DOCK1: variants seen among roughly 807,000 people sequenced by gnomAD.
DOCK1 encodes dedicator of cytokinesis protein 1.
DOCK1 carries 138 observed loss-of-function variants against 262.7 expected under a neutral mutation model. The observed-to-expected ratio is 0.53, with a 90% CI of 0.46 to 0.61. The LOEUF is 0.61. DOCK1 is among the 20% of genes least tolerant of loss of function. The pLI, the probability that DOCK1 is intolerant of heterozygous loss-of-function variation, is 0.00. For missense variants in DOCK1, 1,908 were observed against 2,370.7 expected, an observed-to-expected ratio of 0.80 and a Z score of 4.05; for synonymous variants, 866 against 867.4, an observed-to-expected ratio of 1.00 and a Z score of 0.03.
chr10:127,196,784 G>C (rs1052074845), intron 27 of DOCK1, among the ~76,000 whole-genome samples: 1 of 152,030 alleles, frequency 6.6e-6, no homozygotes, highest in Non-Finnish European at 1.5e-5. Context: ...GCCTGCGCGC[G>C]GGGCTCCGCC....
At chr10:127,358,509 G>A (rs1023201975) in intron 32 of DOCK1, among the ~76,000 whole-genome samples, 12 of 152,146 alleles carry the variant, frequency 7.9e-5, no homozygotes, top group East Asian at 1.9e-4. Flanking sequence ...TGCCTGTGCC[G>A]CCTCAATTTA....
intron 29 of DOCK1, among the ~76,000 whole-genome samples, chr10:127,328,561 T>TGGCAGGGACGCCAGGGACAGCAAGGAC (rs1156403911): frequency 6.6e-6 from 1 of 152,092 alleles, no homozygotes; most frequent in Non-Finnish European, 1.5e-5. Flanking sequence ...TTGCCAGGGA[T>TGGCAGGGACGCCAGGGACAGCAAGGAC]GGCAGGGACG....
chr10:126,991,999 C>G (rs1170461718), intron 6 of DOCK1, among the ~76,000 whole-genome samples: 1 of 152,138 alleles, frequency 6.6e-6, no homozygotes. Context: ...ATCAAGGAAC[C>G]TTTCTGTAAA....
intron 27 of DOCK1, among the ~76,000 whole-genome samples, chr10:127,240,872 A>G (rs1296946463): frequency 6.6e-6 from 1 of 152,214 alleles, no homozygotes; most frequent in Non-Finnish European, 1.5e-5. Flanking sequence ...AGAATTTTGC[A>G]AGATTTTTCC....
intron 10 of DOCK1, among the ~76,000 whole-genome samples, chr10:127,001,900 A>G (rs759045800): frequency 1.3e-4 from 20 of 151,960 alleles, no homozygotes; most frequent in Non-Finnish European, 2.1e-4. Flanking sequence ...ACAGAGTCTA[A>G]CTCTGTCACC....
intron 7 of DOCK1, chr10:126,997,679 T>C (rs558748270): frequency 9.8e-5 from 21 of 214,750 alleles, no homozygotes; most frequent in Non-Finnish European, 1.9e-4. Flanking sequence ...AATTGACTAA[T>C]TGAATCATCT....
chr10:127,212,744 G>A (rs2058036959), intron 27 of DOCK1, among the ~76,000 whole-genome samples: 1 of 140,470 alleles, frequency 7.1e-6, no homozygotes. Flanking sequence ...TAAGGGCTTG[G>A]AAAGTACCTT....
rs1238780253 is a variant in DOCK1 at position 127,331,737 on chromosome 10, T to C, written c.3045-7269T>C. On this transcript the variant is annotated intron_variant, in intron 29 of 51. Transcript: ENST00000623213. ...AGAGAGATCTGTACACTGATGTTCA[T>C]AGCAACATTTTTCACAGTTGCGAAA... Among the ~76,000 whole-genome samples, 3 of 152,164 alleles carry C rather than the reference T, an allele frequency of 2.0e-5. No individual in the cohort carries two copies. In the East Asian group the frequency reaches 5.8e-4, roughly 29 times the overall value.
intron 1 of DOCK1, among the ~76,000 whole-genome samples, chr10:126,914,939 G>A (rs913756002): frequency 1.3e-5 from 2 of 152,144 alleles, no homozygotes; most frequent in Non-Finnish European, 2.9e-5. Context: ...CTGTAGATGG[G>A]GAAAGAAAGA....
intron 1 of DOCK1, among the ~76,000 whole-genome samples, chr10:126,934,608 C>T (rs1309201655): frequency 2.0e-5 from 3 of 152,162 alleles, no homozygotes; most frequent in Non-Finnish European, 4.4e-5. Context: ...TCTTTAAATC[C>T]ACATTGCAGG....
At chr10:127,045,641 G>C (rs2044296831) in intron 21 of DOCK1, among the ~76,000 whole-genome samples, 2 of 152,196 alleles carry the variant, frequency 1.3e-5, no homozygotes, top group South Asian at 4.1e-4. Flanking sequence ...TTTGGCAATG[G>C]GCAGTCCTCT....
intron 1 of DOCK1, among the ~76,000 whole-genome samples, chr10:126,933,173 G>C (rs2034308936): frequency 6.6e-6 from 1 of 152,122 alleles, no homozygotes. Flanking sequence ...GAGATTTGCA[G>C]CTCTTGTGGG....
intron 1 of DOCK1, among the ~76,000 whole-genome samples, chr10:126,957,731 C>T (rs999467184): frequency 3.6e-4 from 55 of 152,288 alleles, no homozygotes; most frequent in African/African-American, 1.2e-3. Flanking sequence ...TCTCCCACTT[C>T]AGCTTTCCAA....
In DOCK1 at chr10:127,275,592, G is replaced by A. The variant is rs201858276; in HGVS notation, c.3044+18163G>A. Among the ~76,000 whole-genome samples the A allele has an allele frequency of 1.2e-4, 18 of 152,246 alleles. No individual in the cohort carries two copies. In the East Asian group the frequency reaches 2.3e-3, roughly 20 times the overall value. ...GTTGGGAACACTGGTGGAGATGAGC[G>A]GATGATGGGTGAAGGTGGAAACGCT... is the stretch of plus-strand genomic sequence containing the variant. On this transcript the variant is annotated intron_variant, in intron 29 of 51. Coordinates refer to ENST00000623213, the MANE Select transcript of DOCK1 (RefSeq NM_001290223.2).
intron 1 of DOCK1, among the ~76,000 whole-genome samples, chr10:126,962,691 T>A (rs1486257811): frequency 6.6e-6 from 1 of 152,242 alleles, no homozygotes; most frequent in East Asian, 1.9e-4. Context: ...CTTTTCTCTC[T>A]GTTAATAATA....
chr10:127,259,563 GGATGCT>G (rs1389895674), intron 29 of DOCK1, among the ~76,000 whole-genome samples: 1 of 152,154 alleles, frequency 6.6e-6, no homozygotes, highest in Non-Finnish European at 1.5e-5. Flanking sequence ...CGGCCCGTGT[GGATGCT>G]GCTCTCCACC....
intron 6 of DOCK1, among the ~76,000 whole-genome samples, chr10:126,994,906 C>T (rs567933858): frequency 4.0e-5 from 6 of 151,644 alleles, no homozygotes; most frequent in East Asian, 3.9e-4. Context: ...CGGGCAGAGG[C>T]GCCCCCCACC....
chr10:127,441,434 G>A (rs1288313150), intron 49 of DOCK1, among the ~76,000 whole-genome samples: 1 of 152,204 alleles, frequency 6.6e-6, no homozygotes. Flanking sequence ...TCCAGCACCA[G>A]GAGGCGGAGA....
In DOCK1 at chr10:127,015,439, G is replaced by A. The variant is rs983328530; in HGVS notation, c.1201+3065G>A. Among the ~76,000 whole-genome samples the A allele has an allele frequency of 5.9e-5, 9 of 152,098 alleles. No individual in the cohort carries two copies. The East Asian group carries it at 1.6e-3, about 26-fold the overall frequency. On this transcript the variant is annotated intron_variant, in intron 12 of 51. Transcript: ENST00000623213. ...TTTCCATTTCCCCTGTTATCTCTGA[G>A]GTCTCTGTCCCCTTGTGAGCTCTCA... is the stretch of plus-strand genomic sequence containing the variant.
Sources: gnomAD v4.1 joint callset for allele counts (sites outside exome capture counted in the v4.1 genomes callset) on GRCh38, gnomAD v4.1.1 for gene constraint, MANE v1.5 for transcripts, NCBI Gene and HGNC (gene_info 2026-07-23, HGNC 2026-07-21) for gene names.